Variants in OMA1 observed in about 807,000 individuals in gnomAD.
OMA1 encodes the protein metalloendopeptidase OMA1, mitochondrial.
A neutral mutation model predicts 30.9 loss-of-function variants in OMA1; 38 were observed. The ratio of observed to expected loss-of-function variants is 1.23; its 90% CI spans 0.95 to 1.61. The LOEUF (loss-of-function observed/expected upper bound fraction) is 1.61. Among genes scored for constraint, OMA1 ranks in the 40% most tolerant of loss-of-function variants. The probability of loss-of-function intolerance (pLI) is 0.00; values close to 1 mark genes in which losing one functional copy is unlikely to be tolerated. For synonymous variants in OMA1, 173 were observed against 121.9 expected, an observed-to-expected ratio of 1.42 and a Z score of -2.76; for missense variants, 461 against 349.2, an observed-to-expected ratio of 1.32 and a Z score of -2.55.
chr1:58,480,855 A>G lies in OMA1; in HGVS notation c.*110T>C. The stretch of plus-strand genomic sequence containing the variant: ...TAATATCTGTAATGTACATGATTTG[A>G]CCCTGAATATCCTTTTTTTTTTCAC... On this transcript the variant is annotated 3_prime_UTR_variant, in exon 9 of 9. Coordinates refer to ENST00000371226, the MANE Select transcript of OMA1 (RefSeq NM_145243.5). 1.5e-6 allele frequency: 1 copy of G among 663,790 alleles called. No individual in the cohort carries two copies. The allele number at this position is 663,790 out of a possible 1,614,324, so 41.1% of individuals were successfully genotyped here.
At chr1:58,518,655 G>A (rs1034251731) in intron 7 of OMA1, among the ~76,000 whole-genome samples, 3 of 151,518 alleles carry the variant, frequency 2.0e-5, no homozygotes, top group South Asian at 2.1e-4. Flanking sequence ...AGGACTCCAG[G>A]GTTTTTTTTC....
intron 6 of OMA1, among the ~76,000 whole-genome samples, chr1:58,528,482 T>A (rs190093870): frequency 6.6e-6 from 1 of 152,338 alleles, no homozygotes; most frequent in Admixed American, 6.5e-5. Context: ...AATTAATGAT[T>A]CTAAACCTAG....
chr1:58,520,868 A>C (rs2100451767), intron 7 of OMA1, among the ~76,000 whole-genome samples: 1 of 152,346 alleles, frequency 6.6e-6, no homozygotes, highest in African/African-American at 2.4e-5. Flanking sequence ...ATGAAATATT[A>C]CCAAACCTCT....
At chr1:58,516,513 C>T (rs962356597) in intron 7 of OMA1, among the ~76,000 whole-genome samples, 5 of 152,096 alleles carry the variant, frequency 3.3e-5, no homozygotes, top group African/African-American at 1.2e-4. Flanking sequence ...CTATATTAAT[C>T]ATTCTGATAA....
chr1:58,523,831 A>G (rs560499406), intron 7 of OMA1, among the ~76,000 whole-genome samples: 4 of 151,556 alleles, frequency 2.6e-5, no homozygotes, highest in Non-Finnish European at 2.9e-5. Flanking sequence ...GCTGGGAGGC[A>G]GAGCTTGCAG....
At position 58,506,057 on chromosome 1, in the gene OMA1, C is replaced by T. The variant is rs949926692; in HGVS notation, c.1365+3G>A. 1 of 864,530 alleles carries T rather than the reference C, an allele frequency of 1.2e-6. No homozygotes were observed. The highest frequency in any genetic ancestry group is 2.0e-6 in the Non-Finnish European group (1 of 496,298). The allele number at this position is 864,530 out of a possible 1,614,324, so 53.6% of individuals were successfully genotyped here. A position where few individuals can be genotyped will look rare whatever the true frequency, so the allele number is the denominator to read the frequency against. ...TGTCCCGCCTTCTACGGTGTCAGCT[C>T]ACCTGAGGTATAAGTCTATCCAAGT... On this transcript the variant is annotated splice_donor_region_variant and intron_variant, in intron 8 of 8. Coordinates refer to ENST00000371226, the MANE Select transcript of OMA1 (RefSeq NM_145243.5).
chr1:58,545,275 A>G (rs1318804221), intron 1 of OMA1, among the ~76,000 whole-genome samples: 1 of 152,240 alleles, frequency 6.6e-6, no homozygotes, highest in Admixed American at 6.5e-5. Flanking sequence ...ACTTGTGTAA[A>G]AATTTTAAAA....
chr1:58,546,372 G>A (rs567835150), intron 1 of OMA1, among the ~76,000 whole-genome samples: 1 of 152,322 alleles, frequency 6.6e-6, no homozygotes, highest in East Asian at 1.9e-4. Context: ...GGGCTGAGGG[G>A]GAGGGCAGGC....
chr1:58,501,933 C>G (rs190484097), intron 8 of OMA1, among the ~76,000 whole-genome samples: 11 of 152,142 alleles, frequency 7.2e-5, no homozygotes, highest in East Asian at 1.9e-4. Context: ...CACTGCCCCC[C>G]ACTCCCGCCC....
At chr1:58,523,759 C>T (rs1018418217) in intron 7 of OMA1, among the ~76,000 whole-genome samples, 4 of 151,754 alleles carry the variant, frequency 2.6e-5, no homozygotes, top group Non-Finnish European at 2.9e-5. Flanking sequence ...ATTAGCCGGG[C>T]ATGGTGGTGG....
At chr1:58,506,377 G>C (rs1404241473) in intron 7 of OMA1, among the ~76,000 whole-genome samples, 168 bp from the exon 8 acceptor site, 1 of 152,084 alleles carries the variant, frequency 6.6e-6, no homozygotes, top group African/African-American at 2.4e-5. Context: ...ATGTTGGTGT[G>C]CTGTACCCAT....
chr1:58,540,407 T>C lies in OMA1; in HGVS notation c.-16-1097A>G, dbSNP rs77057570. Among the ~76,000 whole-genome samples, 8 of 151,574 alleles carry C rather than the reference T, an allele frequency of 5.3e-5. No homozygotes were observed. In the East Asian group the frequency reaches 1.6e-3, roughly 29 times the overall value. On this transcript the variant is annotated intron_variant, in intron 1 of 8. Transcript: ENST00000371226. ...ATATGTGATCCACAATTAGAAGAAA[T>C]ATCAATCAGTGGAAACTAACTCCTA...
At chr1:58,532,726 A>C (rs1296429331) in intron 5 of OMA1, among the ~76,000 whole-genome samples, 1 of 151,972 alleles carries the variant, frequency 6.6e-6, no homozygotes, top group Non-Finnish European at 1.5e-5. Context: ...GACTGAGTCT[A>C]TGTTGCCGAG....
At chr1:58,504,235 C>T (rs1030190055) in intron 8 of OMA1, among the ~76,000 whole-genome samples, 2 of 152,146 alleles carry the variant, frequency 1.3e-5, no homozygotes, top group African/African-American at 4.8e-5. Flanking sequence ...GGTCTGGTCC[C>T]CTTTCACCTC....
Position 58,480,787 on chromosome 1 carries a change from T to A in OMA1, c.*178A>T, listed in dbSNP as rs1645466197. 1 of 496,002 alleles carries A rather than the reference T, an allele frequency of 2.0e-6. No individual in the cohort carries two copies. The highest frequency in any genetic ancestry group is 3.5e-6 in the Non-Finnish European group (1 of 287,956). The allele number at this position is 496,002 out of a possible 1,614,324, so 30.7% of individuals were successfully genotyped here. Reference sequence around the variant, plus strand: ...GAAGATATTTTAACATAGATTAAAATACATCAATATTTCATGAAAAATAAA... The same window carrying A: ...GAAGATATTTTAACATAGATTAAAAAACATCAATATTTCATGAAAAATAAA... On this transcript the variant is annotated 3_prime_UTR_variant, in exon 9 of 9. Transcript: ENST00000371226.
chr1:58,504,638 A>G (rs1001412438), intron 8 of OMA1, among the ~76,000 whole-genome samples: 2 of 152,234 alleles, frequency 1.3e-5, no homozygotes, highest in Non-Finnish European at 2.9e-5. Context: ...TTCCCCAGCA[A>G]TAGAACACAG....
chr1:58,503,195 AG>A (rs1319827457), intron 8 of OMA1, among the ~76,000 whole-genome samples: 2 of 152,208 alleles, frequency 1.3e-5, no homozygotes, highest in Non-Finnish European at 2.9e-5. Flanking sequence ...GAAAATAAAA[AG>A]AAAAAAAATT....
intron 8 of OMA1, among the ~76,000 whole-genome samples, chr1:58,502,112 A>C (rs1225295218): frequency 6.6e-6 from 1 of 152,254 alleles, no homozygotes; most frequent in Non-Finnish European, 1.5e-5. Flanking sequence ...AAAAGTTGAT[A>C]AGCTACAGTA....
chr1:58,534,108 T>G (rs1191526156), intron 4 of OMA1, 48 bp from the exon 5 acceptor site: 1 of 866,836 alleles, frequency 1.2e-6, no homozygotes, highest in East Asian at 2.4e-5. Context: ...TCATAAAAAA[T>G]AAGGACAATA....
Sources: allele counts gnomAD v4.1 joint callset (sites outside exome capture counted in the v4.1 genomes callset), GRCh38; gene constraint gnomAD v4.1.1; transcripts MANE v1.5; gene names NCBI Gene and HGNC (gene_info 2026-07-23, HGNC 2026-07-21).